The following TRERF1 variants were observed in gnomAD, a reference collection of about 807,000 sequenced individuals.
The protein encoded by TRERF1 is transcriptional regulating factor 1, also known as transcriptional-regulating factor 1.
In TRERF1, 27 loss-of-function variants were observed where a neutral mutation model predicts 122.9. The ratio of observed to expected loss-of-function variants is 0.22; its 90% CI spans 0.16 to 0.30. TRERF1 has a LOEUF of 0.30. TRERF1 is among the 10% of genes least tolerant of loss of function. The pLI is 1.00. For synonymous variants in TRERF1, 636 were observed against 641.7 expected (o/e 0.99, Z 0.13); for missense variants, 1,248 against 1,560.3 (o/e 0.80, Z 3.37).
intron 3 of TRERF1, among the ~76,000 whole-genome samples, chr6:42,318,807 CA>C: frequency 6.6e-6 from 1 of 152,240 alleles, no homozygotes; most frequent in Non-Finnish European, 1.5e-5. Context: ...TCCTTGAAGA[CA>C]ACATTGTTTG....
intron 4 of TRERF1, among the ~76,000 whole-genome samples, chr6:42,281,949 A>G (rs1782377419): frequency 6.6e-6 from 1 of 152,202 alleles, no homozygotes; most frequent in Non-Finnish European, 1.5e-5. Context: ...TGCAATGAAC[A>G]TTCTCAGATG....
At chr6:42,245,276 C>T (rs13200716) in intron 14 of TRERF1, among the ~76,000 whole-genome samples, 8,565 of 152,334 alleles carry the variant, frequency 0.056, 324 homozygotes, top group East Asian at 0.11. Flanking sequence ...GCATGGCAGC[C>T]GCCAAGGGCA....
intron 2 of TRERF1, among the ~76,000 whole-genome samples, chr6:42,376,312 CCA>C (rs1774847103): frequency 6.6e-6 from 1 of 152,184 alleles, no homozygotes; most frequent in Non-Finnish European, 1.5e-5. Flanking sequence ...GTCTTAGCAG[CCA>C]CATATCCGCT....
chr6:42,243,513 G>T, intron 14 of TRERF1, 152 bp from the exon 15 acceptor site: 2 of 573,058 alleles, frequency 3.5e-6, no homozygotes, highest in East Asian at 3.0e-5. Flanking sequence ...TCCTTCACAC[G>T]CCTGTCCTTA....
Position 42,243,240 on chromosome 6 carries a change from T to G in TRERF1, c.2859+8A>C, listed in dbSNP as rs776249594. On this transcript the variant is annotated splice_region_variant and intron_variant, in intron 15 of 17. Transcript: ENST00000372922. ...CAGCACAAGCAACAACTTAGCAGCT[T>G]CACTCACCACACAATCGTCGATGAT... 2 of 1,611,892 alleles carry G rather than the reference T, an allele frequency of 1.2e-6. No homozygotes were observed. Among genetic ancestry groups the G allele is most frequent in the South Asian group, 2.2e-5 (2 of 91,020 alleles).
intron 3 of TRERF1, among the ~76,000 whole-genome samples, chr6:42,348,472 C>T (rs1337949067): frequency 6.6e-6 from 1 of 152,034 alleles, no homozygotes; most frequent in African/African-American, 2.4e-5. Flanking sequence ...AGGCTGGTCC[C>T]GAACTCCTGA....
intron 2 of TRERF1, among the ~76,000 whole-genome samples, chr6:42,414,522 C>T (rs1476284324): frequency 1.3e-5 from 2 of 152,214 alleles, no homozygotes; most frequent in African/African-American, 4.8e-5. Flanking sequence ...AATTACGTTT[C>T]TGAGATCTAG....
intron 9 of TRERF1, 138 bp from the exon 10 acceptor site, chr6:42,258,339 T>C (rs1777137449): frequency 1.3e-6 from 1 of 750,454 alleles, no homozygotes; most frequent in Admixed American, 2.6e-5. Context: ...CCTTGACAGT[T>C]TCCAGGGAGC....
At chr6:42,244,785 T>C (rs545371832) in intron 14 of TRERF1, among the ~76,000 whole-genome samples, 9 of 152,258 alleles carry the variant, frequency 5.9e-5, no homozygotes, top group Non-Finnish European at 1.3e-4. Context: ...ATGACAGAGC[T>C]TAGGTTTTGC....
chr6:42,339,105 G>A (rs1217605237), intron 3 of TRERF1, among the ~76,000 whole-genome samples: 4 of 152,192 alleles, frequency 2.6e-5, no homozygotes, highest in South Asian at 4.1e-4. Context: ...AGGGCAAAGC[G>A]GAAAGACTGA....
chr6:42,317,954 G>A (rs1361115035), intron 3 of TRERF1, among the ~76,000 whole-genome samples: 1 of 152,218 alleles, frequency 6.6e-6, no homozygotes, highest in South Asian at 2.1e-4. Context: ...AGGAGTTCAA[G>A]ACCAGCCTGG....
intron 2 of TRERF1, among the ~76,000 whole-genome samples, chr6:42,435,703 C>T (rs950837324): frequency 7.2e-5 from 11 of 151,850 alleles, no homozygotes; most frequent in East Asian, 1.9e-4. Context: ...AGGCCGGGCG[C>T]AGTGGCTCAC....
intron 2 of TRERF1, among the ~76,000 whole-genome samples, chr6:42,446,008 G>A (rs1278021312): frequency 1.3e-5 from 2 of 152,166 alleles, no homozygotes; most frequent in Non-Finnish European, 2.9e-5. Flanking sequence ...TTCACCTCCT[G>A]GGCTCAAGTG....
chr6:42,305,126 T>G (rs1489673298), intron 3 of TRERF1, among the ~76,000 whole-genome samples: 2 of 152,184 alleles, frequency 1.3e-5, no homozygotes, highest in Non-Finnish European at 2.9e-5. Context: ...ATTCTACAAG[T>G]GAGGAAGCCG....
chr6:42,441,344 G>T (rs1786490828), intron 2 of TRERF1, among the ~76,000 whole-genome samples: 1 of 152,148 alleles, frequency 6.6e-6, no homozygotes, highest in Admixed American at 6.5e-5. Context: ...GAAGGAGGAG[G>T]GGGTGGGTGA....
chr6:42,269,451 G>C lies in TRERF1; in HGVS notation c.140C>G (p.Ala47Gly), dbSNP rs1226024183. The stretch of plus-strand genomic sequence containing the variant: ...GGGGGAGATTGGCGAGGCCTGAGGG[G>C]CATCCATTCCGCCCCCTGTAACTGC... The change falls in exon 5 of 18, where the codon GCC becomes GGC. Residue 47 changes from alanine (A) to glycine (G), a missense_variant. Physicochemically the swap from Ala to Gly is moderately conservative, Grantham distance 60. Coordinates refer to ENST00000372922, the Ensembl canonical transcript of TRERF1. This position sits in a 1 kb window ranked among gnomAD's most constrained non-coding sequence, Gnocchi z 4.9. 2 of 1,614,216 alleles carry C rather than the reference G, an allele frequency of 1.2e-6. No individual in the cohort carries two copies. The highest frequency in any genetic ancestry group is 1.7e-6 in the Non-Finnish European group (2 of 1,180,038).
chr6:42,262,466 G>GGAGAGAGAGAGAGAGA (rs1778237857), intron 8 of TRERF1, among the ~76,000 whole-genome samples: 2 of 6,408 alleles, frequency 3.1e-4, no homozygotes, highest in Admixed American at 1.4e-3. Flanking sequence ...GAGAGAGAGA[G>GGAGAGAGAGAGAGAGA]GAGAGAGAGA....
chr6:42,255,399 A>G (rs1776558824), intron 12 of TRERF1, among the ~76,000 whole-genome samples: 1 of 152,260 alleles, frequency 6.6e-6, no homozygotes, highest in Non-Finnish European at 1.5e-5. Context: ...AAACTGTTTC[A>G]AATCAGCCTC....
chr6:42,450,119 G>C (rs1788200361), intron 2 of TRERF1, among the ~76,000 whole-genome samples: 1 of 152,194 alleles, frequency 6.6e-6, no homozygotes, highest in Non-Finnish European at 1.5e-5. Context: ...AGAGGCAAAG[G>C]CTGCTGGTTA....
Sources: allele counts gnomAD v4.1 joint callset (sites outside exome capture counted in the v4.1 genomes callset), GRCh38; gene constraint gnomAD v4.1.1; non-coding constraint Gnocchi (gnomAD v3.1); transcripts MANE v1.5; gene names NCBI Gene and HGNC (gene_info 2026-07-23, HGNC 2026-07-21).